The following VPS35L variants were observed in gnomAD, a reference collection of about 807,000 sequenced individuals.
The protein encoded by VPS35L is VPS35 endosomal protein sorting factor like, also known as VPS35 endosomal protein-sorting factor-like.
Under a neutral mutation model 133.0 loss-of-function variants are expected in VPS35L, and 83 were observed. The observed-to-expected ratio is 0.62, with a 90% CI of 0.52 to 0.75. The LOEUF (loss-of-function observed/expected upper bound fraction) is 0.75, where lower values mean the gene tolerates loss of function less well. Among genes scored for constraint, VPS35L ranks in the 30% least tolerant of loss-of-function variants. The probability of loss-of-function intolerance (pLI) is 0.00; values close to 1 mark genes in which losing one functional copy is unlikely to be tolerated. For synonymous variants in VPS35L, 423 were observed against 449.9 expected (o/e 0.94, Z 0.76); for missense variants, 1,083 against 1,206.8 (o/e 0.90, Z 1.52).
chr16:19,613,809 C>T (rs569563548), intron 12 of VPS35L, among the ~76,000 whole-genome samples: 1 of 152,240 alleles, frequency 6.6e-6, no homozygotes, highest in South Asian at 2.1e-4. Flanking sequence ...CCACAAACCT[C>T]ATGGTCCAAG....
intron 21 of VPS35L, 55 bp downstream of exon 21, chr16:19,640,155 T>C (rs1973744422): frequency 1.3e-5 from 20 of 1,519,236 alleles, no homozygotes; most frequent in Admixed American, 5.3e-5. Flanking sequence ...TTGTGAAACC[T>C]GTTGATAAAA....
intron 12 of VPS35L, among the ~76,000 whole-genome samples, chr16:19,615,286 G>C (rs1972848359): frequency 6.6e-6 from 1 of 152,170 alleles, no homozygotes; most frequent in African/African-American, 2.4e-5. Flanking sequence ...GATGATTTCT[G>C]CAAATGTTGC....
intron 22 of VPS35L, 117 bp downstream of exon 22, chr16:19,642,593 T>A: frequency 2.4e-6 from 2 of 846,394 alleles, no homozygotes; most frequent in Non-Finnish European, 3.4e-6. Flanking sequence ...TTATTGGGAG[T>A]ATTAAGATTT....
intron 29 of VPS35L, among the ~76,000 whole-genome samples, chr16:19,698,833 T>C (rs542864343): frequency 6.6e-6 from 1 of 152,338 alleles, no homozygotes; most frequent in Admixed American, 6.5e-5. Context: ...TCCTCTCTCC[T>C]GGGCCTGGTG....
intron 3 of VPS35L, among the ~76,000 whole-genome samples, chr16:19,570,030 T>C (rs1438767275): frequency 2.0e-5 from 3 of 152,128 alleles, no homozygotes; most frequent in African/African-American, 7.2e-5. Context: ...TGAAGTCTTT[T>C]TGTTTTTTTG....
Position 19,687,733 on chromosome 16 carries a change from A to G in VPS35L, c.2528-3620A>G, listed in dbSNP as rs1056152873. On this transcript the variant is annotated intron_variant, in intron 28 of 30. Coordinates refer to ENST00000417362, the MANE Select transcript of VPS35L (RefSeq NM_020314.7). ...ATGGTTCAGCCAAAAAAAAAAAATT[A>G]TGTGTGTCTGTCCATCCTTGTAGAG... 2.6e-5 allele frequency among the ~76,000 whole-genome samples: 4 copies of G among 152,140 alleles called. No individual in the cohort carries two copies. In the East Asian group the frequency reaches 5.8e-4, roughly 22 times the overall value.
chr16:19,616,116 G>A lies in VPS35L; in HGVS notation c.1026G>A (p.Val342=), dbSNP rs749506858. Residue 342 remains valine (V), a splice_region_variant and synonymous_variant, in exon 13 of 31, where the codon GTG becomes GTA. Transcript: ENST00000417362. Reference sequence around the variant, plus strand: ...TTTTTCCATTTGTCTGGCTGCAGGTGGGAATGGAAGTGGCCCCACATCTCA... The same window carrying A: ...TTTTTCCATTTGTCTGGCTGCAGGTAGGAATGGAAGTGGCCCCACATCTCA... The part of the protein sequence containing the change: ...SVYARAYLCR[V]GMEVAPHLKE... 5.0e-6 allele frequency: 8 copies of A among 1,611,422 alleles called. No homozygotes were observed. The African/African-American group carries it at 9.4e-5, about 19-fold the overall frequency.
chr16:19,606,432 G>A (rs1037610250), intron 9 of VPS35L, among the ~76,000 whole-genome samples: 12 of 151,816 alleles, frequency 7.9e-5, no homozygotes, highest in Non-Finnish European at 1.5e-4. Context: ...TAGAGATCTA[G>A]GCTGGAAAGG....
chr16:19,630,988 G>T (rs562582208), intron 18 of VPS35L, among the ~76,000 whole-genome samples: 1 of 151,904 alleles, frequency 6.6e-6, no homozygotes, highest in South Asian at 2.1e-4. Context: ...CAGCCAGAGC[G>T]ACAGAGTGAG....
chr16:19,650,324 A>G lies in VPS35L; in HGVS notation c.2029-58A>G, dbSNP rs1974083482. ...GTTAATGTTGAGATCTCTATGGAAG[A>G]CACTCATCTGAATCGGCCATCGCTT... is the stretch of plus-strand genomic sequence containing the variant. On this transcript the variant is annotated intron_variant, in intron 24 of 30. Transcript: ENST00000417362. 3 of 1,315,820 alleles carry G rather than the reference A, an allele frequency of 2.3e-6. No homozygotes were observed. In the African/African-American group the frequency reaches 4.4e-5, roughly 19 times the overall value. The allele number at this position is 1,315,820 out of a possible 1,614,324, so 81.5% of individuals were successfully genotyped here.
chr16:19,635,496 A>G (rs1439032609), intron 19 of VPS35L, among the ~76,000 whole-genome samples: 1 of 152,226 alleles, frequency 6.6e-6, no homozygotes, highest in Non-Finnish European at 1.5e-5. Context: ...GCAGTGCGCA[A>G]TCTCAGACTG....
chr16:19,579,926 G>C (rs539468020), intron 6 of VPS35L: 1 of 151,816 alleles, frequency 6.6e-6, no homozygotes. Context: ...TTTGCCAGGC[G>C]CGGTGGCTCA....
Position 19,618,259 on chromosome 16 carries a change from G to GA in VPS35L, c.1224+1460dup, listed in dbSNP as rs912081507. Among the ~76,000 whole-genome samples the GA allele has an allele frequency of 6.6e-5, 10 of 150,864 alleles. No individual in the cohort carries two copies. The South Asian group carries it at 8.4e-4, about 13-fold the overall frequency. ...CACATGTTGAAAGCTGTACAGAAAAGAAAAAAAAAGGACATGACTTTAACC... is the reference window on the plus strand; with the variant it reads ...CACATGTTGAAAGCTGTACAGAAAAGAAAAAAAAAAGGACATGACTTTAACC... On this transcript the variant is annotated intron_variant, in intron 14 of 30. Coordinates refer to ENST00000417362, the MANE Select transcript of VPS35L (RefSeq NM_020314.7).
chr16:19,599,165 C>T (rs1972305349), intron 8 of VPS35L, among the ~76,000 whole-genome samples: 2 of 152,316 alleles, frequency 1.3e-5, no homozygotes, highest in South Asian at 4.1e-4. Flanking sequence ...CTAAATGGAG[C>T]CAGTGGTTTG....
At chr16:19,617,281 C>T in intron 14 of VPS35L, 1 of 286,598 alleles carries the variant, frequency 3.5e-6, no homozygotes. Flanking sequence ...CCACTTGAGC[C>T]CCAGAGTTCA....
chr16:19,614,610 C>T (rs1972827876), intron 12 of VPS35L, among the ~76,000 whole-genome samples: 1 of 152,202 alleles, frequency 6.6e-6, no homozygotes, highest in African/African-American at 2.4e-5. Flanking sequence ...AGAGTTTCAC[C>T]ATGTTGACCA....
At position 19,580,647 on chromosome 16, in the gene VPS35L, C is replaced by T. The variant is rs866432275; in HGVS notation, c.511-878C>T. Among the ~76,000 whole-genome samples the T allele has an allele frequency of 5.3e-5, 8 of 152,052 alleles. 1 individual carries two copies. In the Middle Eastern group the frequency reaches 0.01, roughly 194 times the overall value. ...CCATGACGATCCCTTGCTCAGCTGC[C>T]GAGGGTTTTTGCTATGGTTGTCTTT... On this transcript the variant is annotated intron_variant, in intron 6 of 30. Transcript: ENST00000417362.
chr16:19,664,648 C>T (rs1035563729), intron 26 of VPS35L, among the ~76,000 whole-genome samples: 6 of 151,830 alleles, frequency 4.0e-5, no homozygotes, highest in African/African-American at 2.4e-5. Context: ...CGCCTGTAAT[C>T]CCAGCACTTT....
chr16:19,616,642 G>A, intron 13 of VPS35L, 44 bp from the exon 14 acceptor site: 1 of 1,598,042 alleles, frequency 6.3e-7, no homozygotes, highest in South Asian at 1.1e-5. Flanking sequence ...TTTGTTGTTT[G>A]GTTTTTCCCC....
Sources: allele counts gnomAD v4.1 joint callset (sites outside exome capture counted in the v4.1 genomes callset), GRCh38; gene constraint gnomAD v4.1.1; transcripts MANE v1.5; gene names NCBI Gene and HGNC (gene_info 2026-07-23, HGNC 2026-07-21).